Variants in PPARA observed in about 807,000 individuals in gnomAD.
The protein encoded by PPARA is peroxisome proliferator activated receptor alpha.
PPARA carries 22 observed loss-of-function variants against 42.2 expected under a neutral mutation model. The ratio of observed to expected loss-of-function variants is 0.52; its 90% CI spans 0.37 to 0.74. PPARA has a LOEUF of 0.74. PPARA is among the 30% of genes least tolerant of loss of function. The pLI, the probability that PPARA is intolerant of heterozygous loss-of-function variation, is 0.00. For synonymous variants in PPARA, 242 were observed against 239.3 expected (o/e 1.01, Z -0.10); for missense variants, 465 against 608.2 (o/e 0.76, Z 2.48).
chr22:46,192,998 A>G lies in PPARA; in HGVS notation c.-42-5344A>G, dbSNP rs1931763498. 6.6e-6 allele frequency among the ~76,000 whole-genome samples: 1 copy of G among 152,190 alleles called. No individual in the cohort carries two copies. Among genetic ancestry groups the G allele is most frequent in the Admixed American group, 6.6e-5 (1 of 15,260 alleles). ...GGAAGGGTGGTGAGGGGTTGGGGGC[A>G]GTGAAGATGGTTAACAGGTACAAAA... On this transcript the variant is annotated intron_variant, in intron 3 of 8. Transcript: ENST00000407236. This position sits in a 1 kb window ranked among gnomAD's most constrained non-coding sequence, Gnocchi z 4.3.
chr22:46,218,601 A>G (rs1389375974), intron 6 of PPARA, among the ~76,000 whole-genome samples, 200 bp downstream of exon 6: 1 of 151,728 alleles, frequency 6.6e-6, no homozygotes, highest in Non-Finnish European at 1.5e-5. Context: ...TGGGAGGCTG[A>G]GGTGGGTGGA....
chr22:46,172,332 A>AAC (rs548352690), intron 2 of PPARA, among the ~76,000 whole-genome samples: 39 of 151,918 alleles, frequency 2.6e-4, no homozygotes, highest in South Asian at 1.0e-3. Flanking sequence ...AAAAAAAAAA[A>AAC]AAAAAAAACA....
rs1001924817 is a variant in PPARA, at chr22:46,193,441, T to C, written c.-42-4901T>C. Among the ~76,000 whole-genome samples the C allele has an allele frequency of 6.6e-6, 1 of 152,182 alleles. No individual in the cohort carries two copies. Among genetic ancestry groups the C allele is most frequent in the African/African-American group, 2.4e-5 (1 of 41,444 alleles). ...ATATTTTTAAATAACTTAAAGAGTA[T>C]AATTGGATTGTTGTAACTGAAAGGA... is the stretch of plus-strand genomic sequence containing the variant. On this transcript the variant is annotated intron_variant, in intron 3 of 8. Transcript: ENST00000407236. The surrounding 1 kb of genome is among the most constrained non-coding windows in gnomAD (Gnocchi z 5.3).
intron 4 of PPARA, among the ~76,000 whole-genome samples, chr22:46,202,534 C>T (rs536257474): frequency 2.0e-5 from 3 of 151,738 alleles, no homozygotes; most frequent in Non-Finnish European, 4.4e-5. Flanking sequence ...GTCAGGAGTT[C>T]GAGACCAACC....
chr22:46,159,257 A>G (rs1422548314), intron 2 of PPARA, among the ~76,000 whole-genome samples: 1 of 152,206 alleles, frequency 6.6e-6, no homozygotes, highest in Non-Finnish European at 1.5e-5. Context: ...AAATGCTCAG[A>G]GAAGTTAGAA....
At position 46,153,859 on chromosome 22, in the gene PPARA, CA is replaced by C. The variant is rs879437805; in HGVS notation, c.-127+1901del. On this transcript the variant is annotated intron_variant, in intron 2 of 8. Coordinates refer to ENST00000407236, the MANE Select transcript of PPARA (RefSeq NM_005036.6). Reference sequence around the variant, plus strand: ...GGGTGACAGAGCAAGACTCCGTTTCCAAAAAAAAAAAATTGTATATGAGAGA... The same window carrying C: ...GGGTGACAGAGCAAGACTCCGTTTCCAAAAAAAAAAATTGTATATGAGAGA... Among the ~76,000 whole-genome samples the C allele has an allele frequency of 1.8e-4, 24 of 134,564 alleles. 1 individual carries two copies. Among genetic ancestry groups the C allele is most frequent in the East Asian group, 4.3e-4 (2 of 4,648 alleles). The allele number at this position is 134,564 out of a possible 152,430, so 88.3% of individuals were successfully genotyped here.
At position 46,231,343 on chromosome 22, in the gene PPARA, C is replaced by T. The variant is rs4253771; in HGVS notation, c.712-449C>T. ...ACGCCATTCTCCTGCCTCAGCCTCCCGAGTAGCTGGGACTACAGGCGCCCG... is the reference window on the plus strand; with the variant it reads ...ACGCCATTCTCCTGCCTCAGCCTCCTGAGTAGCTGGGACTACAGGCGCCCG... On this transcript the variant is annotated intron_variant, in intron 7 of 8. Coordinates refer to ENST00000407236, the MANE Select transcript of PPARA (RefSeq NM_005036.6). This position sits in a 1 kb window ranked among gnomAD's most constrained non-coding sequence, Gnocchi z 7.7. Among the ~76,000 whole-genome samples the T allele has an allele frequency of 7.2e-5, 11 of 152,168 alleles. No individual in the cohort carries two copies. Among genetic ancestry groups the T allele is most frequent in the Non-Finnish European group, 1.2e-4 (8 of 67,996 alleles).
rs924644389 is a variant in PPARA, at chr22:46,162,652, T to C, written c.-127+10682T>C. ...GCCAGAGTCCTTGGCTCATCACTCA[T>C]GGTTGAACCCGGAGCCTCTTGCTGG... On this transcript the variant is annotated intron_variant, in intron 2 of 8. Coordinates refer to ENST00000407236, the MANE Select transcript of PPARA (RefSeq NM_005036.6). The surrounding 1 kb of genome is among the most constrained non-coding windows in gnomAD (Gnocchi z 6.0). 1.3e-5 allele frequency among the ~76,000 whole-genome samples: 2 copies of C among 152,312 alleles called. No homozygotes were observed. The highest frequency in any genetic ancestry group is 3.4e-3 in the Middle Eastern group (1 of 294).
At chr22:46,169,392 G>A (rs910173164) in intron 2 of PPARA, among the ~76,000 whole-genome samples, 11 of 151,882 alleles carry the variant, frequency 7.2e-5, no homozygotes, top group African/African-American at 2.7e-4. Context: ...CCGCCACCAC[G>A]CCCGGCTAAT....
In PPARA at chr22:46,232,812, C is replaced by CA. The variant is rs557070880; in HGVS notation, c.1159+584dup. Among the ~76,000 whole-genome samples, 7,414 of 136,830 alleles carry CA rather than the reference C, an allele frequency of 0.054. 324 individuals carry two copies. The highest frequency in any genetic ancestry group is 0.12 in the African/African-American group (4,575 of 37,284). The allele number at this position is 136,830 out of a possible 152,430, so 89.8% of individuals were successfully genotyped here. On this transcript the variant is annotated intron_variant, in intron 8 of 8. Coordinates refer to ENST00000407236, the MANE Select transcript of PPARA (RefSeq NM_005036.6). This position sits in a 1 kb window ranked among gnomAD's most constrained non-coding sequence, Gnocchi z 5.3. ...GCAACATGGCAAGACCCCGTCTCTA[C>CA]AAAAAAAAAAATAGAAAAAATTAGT...
chr22:46,226,483 G>T (rs1008972553), intron 7 of PPARA, among the ~76,000 whole-genome samples: 1 of 152,190 alleles, frequency 6.6e-6, no homozygotes, highest in Non-Finnish European at 1.5e-5. Context: ...TGGGCGTGCC[G>T]TGTTATTTTT....
At chr22:46,220,139 G>A in intron 7 of PPARA, 125 bp downstream of exon 7, 2 of 1,129,314 alleles carry the variant, frequency 1.8e-6, no homozygotes, top group Middle Eastern at 4.0e-4. Context: ...GCAAAGGACA[G>A]CGAAGATGGA....
At chr22:46,217,031 C>T (rs556290204) in intron 5 of PPARA, among the ~76,000 whole-genome samples, 28 of 152,316 alleles carry the variant, frequency 1.8e-4, no homozygotes, top group African/African-American at 6.7e-4. Context: ...CAGCATTCTG[C>T]CCTGAGCCAG....
At chr22:46,229,083 G>A (rs1178673712) in intron 7 of PPARA, among the ~76,000 whole-genome samples, 1 of 150,854 alleles carries the variant, frequency 6.6e-6, no homozygotes, top group African/African-American at 2.5e-5. Context: ...CTCCAGCCTG[G>A]GCAACAGAGC....
Position 46,220,929 on chromosome 22 carries a change from C to T in PPARA, c.711+915C>T, listed in dbSNP as rs140210124. ...CTGCACTCCAGCCTGGGTGACAGAT[C>T]GAGACCCTATCTCAAAAAAAAAATA... On this transcript the variant is annotated intron_variant, in intron 7 of 8. Coordinates refer to ENST00000407236, the MANE Select transcript of PPARA (RefSeq NM_005036.6). 6.6e-3 allele frequency among the ~76,000 whole-genome samples: 976 copies of T among 147,476 alleles called. 9 individuals are homozygous for T. The highest frequency in any genetic ancestry group is 0.025 in the African/African-American group (940 of 38,282).
intron 2 of PPARA, among the ~76,000 whole-genome samples, chr22:46,174,445 A>G (rs9626737): frequency 0.14 from 21,713 of 152,028 alleles, 4,010 homozygotes; most frequent in African/African-American, 0.43. Context: ...TATGTTATAT[A>G]TCCTAGCTAT....
Position 46,159,872 on chromosome 22 carries a change from G to T in PPARA, c.-127+7902G>T, listed in dbSNP as rs4253634. Among the ~76,000 whole-genome samples the T allele has an allele frequency of 3.7e-3, 564 of 152,310 alleles. 3 individuals carry two copies. The highest frequency in any genetic ancestry group is 0.013 in the African/African-American group (537 of 41,562). On this transcript the variant is annotated intron_variant, in intron 2 of 8. Coordinates refer to ENST00000407236, the MANE Select transcript of PPARA (RefSeq NM_005036.6). The stretch of plus-strand genomic sequence containing the variant: ...CGTTCAAAGAACTTGCGTGACAAGT[G>T]ATGACTAATGACACTGAGGGTGGGT...
Position 46,196,610 on chromosome 22 carries a change from C to A in PPARA, c.-42-1732C>A, listed in dbSNP as rs1032321105. 6.6e-6 allele frequency among the ~76,000 whole-genome samples: 1 copy of A among 152,216 alleles called. No individual in the cohort carries two copies. The highest frequency in any genetic ancestry group is 2.1e-4 in the South Asian group (1 of 4,834). On this transcript the variant is annotated intron_variant, in intron 3 of 8. Coordinates refer to ENST00000407236, the MANE Select transcript of PPARA (RefSeq NM_005036.6). The surrounding 1 kb of genome is among the most constrained non-coding windows in gnomAD (Gnocchi z 5.6). ...ATCTCCTGCCCCCTAATCAGTGAGG[C>A]CTTCCCTGGCCTCACCCCGGACACT...
rs149554207 is a variant in PPARA, at chr22:46,200,545, A to G, written c.208+1954A>G. 2.4e-3 allele frequency among the ~76,000 whole-genome samples: 367 copies of G among 152,390 alleles called. 3 individuals are homozygous for G. Among genetic ancestry groups the G allele is most frequent in the African/African-American group, 8.6e-3 (356 of 41,592 alleles). ...TATCATCTTATGGGACCATGATACCACAGTTGAACTTATGGTCTATTGTTG... is the reference window on the plus strand; with the variant it reads ...TATCATCTTATGGGACCATGATACCGCAGTTGAACTTATGGTCTATTGTTG... On this transcript the variant is annotated intron_variant, in intron 4 of 8. Transcript: ENST00000407236. This position sits in a 1 kb window ranked among gnomAD's most constrained non-coding sequence, Gnocchi z 4.8.
Sources: allele counts gnomAD v4.1 joint callset (sites outside exome capture counted in the v4.1 genomes callset), GRCh38; gene constraint gnomAD v4.1.1; non-coding constraint Gnocchi (gnomAD v3.1); transcripts MANE v1.5; gene names NCBI Gene and HGNC (gene_info 2026-07-23, HGNC 2026-07-21).